DSCAML1: variants seen among roughly 807,000 people sequenced by gnomAD.
The protein encoded by DSCAML1 is cell adhesion molecule DSCAML1.
In DSCAML1, 38 loss-of-function variants were observed where a neutral mutation model predicts 200.5. That is an observed-to-expected ratio of 0.19 (90% CI 0.15 to 0.25). DSCAML1 has a LOEUF of 0.25. DSCAML1 is among the 10% of genes least tolerant of loss of function. The pLI, the probability that DSCAML1 is intolerant of heterozygous loss-of-function variation, is 1.00. For missense variants in DSCAML1, 2,223 were observed against 2,858.8 expected (o/e 0.78, Z 5.07); for synonymous variants, 1,215 against 1,165.0 (o/e 1.04, Z -0.87).
chr11:117,754,475 C>G (rs577353041), intron 3 of DSCAML1, among the ~76,000 whole-genome samples: 1 of 151,906 alleles, frequency 6.6e-6, no homozygotes, highest in African/African-American at 2.4e-5. Context: ...CGGGAGGGTG[C>G]AGTGGGGAAG....
chr11:117,532,283 C>T, intron 4 of DSCAML1, 93 bp downstream of exon 4: 1 of 1,313,468 alleles, frequency 7.6e-7, no homozygotes, highest in Non-Finnish European at 1.0e-6. Flanking sequence ...ACAGGGGGCT[C>T]CTCCATCTGC....
chr11:117,432,600 GT>G, intron 29 of DSCAML1, 96 bp from the exon 30 acceptor site: 1 of 1,384,476 alleles, frequency 7.2e-7, no homozygotes, highest in South Asian at 1.4e-5. Context: ...TATCCAATGT[GT>G]TTTTTGTTTG....
chr11:117,728,516 T>A (rs960208326), intron 3 of DSCAML1, among the ~76,000 whole-genome samples: 4 of 124,576 alleles, frequency 3.2e-5, no homozygotes, highest in Non-Finnish European at 7.1e-5. Context: ...TATTTGTAGA[T>A]GATGTAATCC....
chr11:117,780,248 GAA>G lies in DSCAML1; in HGVS notation c.364+243_364+244del, dbSNP rs750717030. Among the ~76,000 whole-genome samples the G allele has an allele frequency of 1.3e-5, 1 of 76,670 alleles. No individual in the cohort carries two copies. Among genetic ancestry groups the G allele is most frequent in the African/African-American group, 4.2e-5 (1 of 23,680 alleles). 50.3% of individuals were successfully genotyped at this position (76,670 alleles called of 152,430 possible). On this transcript the variant is annotated intron_variant, in intron 2 of 32. Transcript: ENST00000651296. The surrounding 1 kb of genome is among the most constrained non-coding windows in gnomAD (Gnocchi z 4.8). ...GAAAGAAAGGAAAGAAAGAAAGAAA[GAA>G]AGAAAGAAAGAAAGAAAGAAAGAAA...
At chr11:117,697,813 C>T (rs1040355567) in intron 3 of DSCAML1, among the ~76,000 whole-genome samples, 17 of 151,146 alleles carry the variant, frequency 1.1e-4, no homozygotes, top group Middle Eastern at 3.4e-3. Context: ...GCTCTGTCGC[C>T]GAGGCTGGAG....
At chr11:117,800,737 G>A (rs1394760160), upstream of DSCAML1, 2 of 152,124 alleles carry the variant, frequency 1.3e-5, no homozygotes, top group African/African-American at 4.8e-5. Flanking sequence ...GCCAGTTGAA[G>A]CAGCTATATG....
At chr11:117,652,818 C>T (rs986459519) in intron 3 of DSCAML1, among the ~76,000 whole-genome samples, 58 of 152,272 alleles carry the variant, frequency 3.8e-4, no homozygotes, top group African/African-American at 1.4e-3. Flanking sequence ...AAAGGCATTC[C>T]CTGGCTTGGC....
At chr11:117,552,580 G>A (rs1012528251) in intron 3 of DSCAML1, among the ~76,000 whole-genome samples, 5 of 152,062 alleles carry the variant, frequency 3.3e-5, no homozygotes, top group Admixed American at 6.6e-5. Flanking sequence ...AGAGATTAAC[G>A]AAATCCTACC....
chr11:117,796,048 G>A (rs903800932), intron 1 of DSCAML1, among the ~76,000 whole-genome samples: 9 of 152,248 alleles, frequency 5.9e-5, no homozygotes, highest in Non-Finnish European at 8.8e-5. Flanking sequence ...TGCGCGCCCG[G>A]GGGCACGTCC....
At chr11:117,725,095 TG>T (rs2054101993) in intron 3 of DSCAML1, among the ~76,000 whole-genome samples, 1 of 152,220 alleles carries the variant, frequency 6.6e-6, no homozygotes, top group African/African-American at 2.4e-5. Flanking sequence ...AGGAGGGATT[TG>T]CTTCCCCAAG....
intron 3 of DSCAML1, among the ~76,000 whole-genome samples, chr11:117,681,602 G>A (rs1297550923): frequency 6.6e-6 from 1 of 152,182 alleles, no homozygotes. Flanking sequence ...AATTTGCAGA[G>A]TAGAGATGGC....
chr11:117,768,523 A>G (rs888517287), intron 3 of DSCAML1, among the ~76,000 whole-genome samples: 9 of 152,174 alleles, frequency 5.9e-5, no homozygotes, highest in Non-Finnish European at 1.2e-4. Flanking sequence ...TAATGATGCC[A>G]GATGATGGAG....
In DSCAML1 at chr11:117,505,012, G is replaced by T. The variant is rs368205132; in HGVS notation, c.2094C>A (p.Asn698Lys). Reference protein sequence around the residue: ...VPPRFVVQPNNQDGIYGKAGV... With the variant: ...VPPRFVVQPNKQDGIYGKAGV... ...CAGCTTTGCCGTAGATGCCATCCTGGTTGTTGGGTTGCACCACAAATCGAG... is the reference window on the plus strand; with the variant it reads ...CAGCTTTGCCGTAGATGCCATCCTGTTTGTTGGGTTGCACCACAAATCGAG... Residue 698 changes from asparagine (N) to lysine (K), a missense_variant, in exon 10 of 33, where the codon AAC (asparagine) becomes AAA (lysine). Physicochemically the swap from Asn to Lys is moderately conservative, Grantham distance 94. Transcript: ENST00000651296. The surrounding 1 kb of genome is among the most constrained non-coding windows in gnomAD (Gnocchi z 6.7). The T allele has an allele frequency of 3.1e-6, 5 of 1,612,710 alleles. No individual in the cohort carries two copies. Among genetic ancestry groups the T allele is most frequent in the African/African-American group, 2.7e-5 (2 of 74,920 alleles).
At chr11:117,529,645 ACTGACCAC>A (rs2050038055) in intron 4 of DSCAML1, among the ~76,000 whole-genome samples, 1 of 151,054 alleles carries the variant, frequency 6.6e-6, no homozygotes, top group Non-Finnish European at 1.5e-5. Context: ...GTTCTCATGA[ACTGACCAC>A]CTCCAATGCA....
chr11:117,586,392 G>T (rs1253677597), intron 3 of DSCAML1, among the ~76,000 whole-genome samples: 1 of 152,232 alleles, frequency 6.6e-6, no homozygotes, highest in Non-Finnish European at 1.5e-5. Flanking sequence ...CCATCTTGGT[G>T]TAGGAGGACC....
rs142397057 is a variant in DSCAML1 at position 117,498,104 on chromosome 11, C to T, written c.2359+5741G>A. On this transcript the variant is annotated intron_variant, in intron 11 of 32. Transcript: ENST00000651296. This position sits in a 1 kb window ranked among gnomAD's most constrained non-coding sequence, Gnocchi z 4.0. The stretch of plus-strand genomic sequence containing the variant: ...AGCTGGGTGCCAGAAGTGAGAGTTC[C>T]CACCCAGGGAGGCGAAGACCAGCCC... 6.6e-6 allele frequency among the ~76,000 whole-genome samples: 1 copy of T among 152,298 alleles called. No homozygotes were observed. Among genetic ancestry groups the T allele is most frequent in the East Asian group, 1.9e-4 (1 of 5,180 alleles).
At chr11:117,521,030 T>A (rs1258583426) in intron 6 of DSCAML1, 100 bp downstream of exon 6, 8 of 1,508,504 alleles carry the variant, frequency 5.3e-6, no homozygotes, top group Non-Finnish European at 7.2e-6. Context: ...TAGTGAGCGC[T>A]GGTTTAATGC....
chr11:117,540,620 T>A, intron 3 of DSCAML1, among the ~76,000 whole-genome samples: 2 of 148,368 alleles, frequency 1.3e-5, no homozygotes, highest in Non-Finnish European at 3.0e-5. Flanking sequence ...TTGGAATGAG[T>A]GATAGGTGGG....
intron 3 of DSCAML1, among the ~76,000 whole-genome samples, chr11:117,649,813 C>T (rs2137616274): frequency 6.6e-6 from 1 of 152,318 alleles, no homozygotes; most frequent in Admixed American, 6.5e-5. Context: ...TGAACAGGTC[C>T]AGGCAGTTCT....
Sources: allele counts gnomAD v4.1 joint callset (sites outside exome capture counted in the v4.1 genomes callset), GRCh38; gene constraint gnomAD v4.1.1; non-coding constraint Gnocchi (gnomAD v3.1); transcripts MANE v1.5; gene names NCBI Gene and HGNC (gene_info 2026-07-23, HGNC 2026-07-21).